Variants in EPS15 observed in about 807,000 individuals in gnomAD.
EPS15 encodes the protein epidermal growth factor receptor pathway substrate 15.
In EPS15, 72 loss-of-function variants were observed where a neutral mutation model predicts 113.8. The observed-to-expected ratio is 0.63, with a 90% confidence interval of 0.52 to 0.77. The LOEUF is 0.77. Among genes scored for constraint, EPS15 ranks in the 30% least tolerant of loss-of-function variants. The pLI, the probability that EPS15 is intolerant of heterozygous loss-of-function variation, is 0.00. For synonymous variants in EPS15, 344 were observed against 363.4 expected (o/e 0.95, Z 0.61); for missense variants, 1,048 against 1,045.8 (o/e 1.00, Z -0.03).
chr1:51,486,421 A>G (rs1644123136), intron 1 of EPS15, among the ~76,000 whole-genome samples: 1 of 31,484 alleles, frequency 3.2e-5, no homozygotes. Flanking sequence ...GCGAGACTGC[A>G]TCTCAAAAAA....
intron 2 of EPS15, among the ~76,000 whole-genome samples, chr1:51,480,041 T>C (rs1224575805): frequency 6.6e-6 from 1 of 152,184 alleles, no homozygotes; most frequent in African/African-American, 2.4e-5. Flanking sequence ...GAAGAACAAA[T>C]GTAACAGGGG....
Position 51,403,511 on chromosome 1 carries a change from G to GT in EPS15, c.1698dup (p.Leu567ThrfsTer7). The GT allele has an allele frequency of 6.2e-7, 1 of 1,603,698 alleles. No individual in the cohort carries two copies. The highest frequency in any genetic ancestry group is 8.5e-7 in the Non-Finnish European group (1 of 1,174,054). On this transcript the variant is annotated frameshift_variant, in exon 17 of 25. Transcript: ENST00000371733. LOFTEE classifies it high-confidence loss of function. ...TTTTCATCAGTCACACCAGAAGGCA[G>GT]TAGTTCAGGACTACTTCTTGCCTAC...
chr1:51,420,334 T>C (rs1265092511), intron 13 of EPS15, among the ~76,000 whole-genome samples: 2 of 152,090 alleles, frequency 1.3e-5, no homozygotes, highest in Non-Finnish European at 1.5e-5. Flanking sequence ...GTATTTAAAT[T>C]CACATCCTCA....
At chr1:51,473,823 C>A (rs925251276) in intron 2 of EPS15, among the ~76,000 whole-genome samples, 1 of 152,086 alleles carries the variant, frequency 6.6e-6, no homozygotes, top group East Asian at 1.9e-4. Context: ...AGCAAAGAAG[C>A]AAAAGGGAAA....
At chr1:51,398,105 G>A (rs945625682) in intron 20 of EPS15, among the ~76,000 whole-genome samples, 2 of 150,976 alleles carry the variant, frequency 1.3e-5, no homozygotes, top group Non-Finnish European at 2.9e-5. Context: ...CCAGGCTGGA[G>A]TGCAGTGGCG....
intron 21 of EPS15, among the ~76,000 whole-genome samples, chr1:51,376,821 A>C (rs1286180994): frequency 2.6e-5 from 4 of 152,202 alleles, no homozygotes; most frequent in African/African-American, 9.6e-5. Context: ...CTTGCAAATC[A>C]AGGAGTAATT....
intron 13 of EPS15, among the ~76,000 whole-genome samples, chr1:51,410,331 C>T (rs1649588027): frequency 6.7e-6 from 1 of 149,194 alleles, no homozygotes; most frequent in Admixed American, 6.7e-5. Flanking sequence ...GTCAAGGCTG[C>T]AGTGAGCTGT....
In EPS15 at chr1:51,437,785, T is replaced by C. The variant is rs534157654; in HGVS notation, c.1040+2562A>G. 2.1e-3 allele frequency among the ~76,000 whole-genome samples: 325 copies of C among 152,232 alleles called. 2 individuals are homozygous for C. Among genetic ancestry groups the C allele is most frequent in the Middle Eastern group, 6.8e-3 (2 of 294 alleles). On this transcript the variant is annotated intron_variant, in intron 12 of 24. Transcript: ENST00000371733. The stretch of plus-strand genomic sequence containing the variant: ...GGCATCAGCTATCGCGCCCAGCCCC[T>C]GGACTAAAACTAAGTATCTTCATCT...
At chr1:51,403,358 C>A in intron 17 of EPS15, 61 bp downstream of exon 17, 1 of 854,178 alleles carries the variant, frequency 1.2e-6, no homozygotes, top group South Asian at 1.6e-5. Flanking sequence ...TCTGATAATT[C>A]ACCTCCTCCT....
At chr1:51,464,462 G>A (rs1654704667) in intron 6 of EPS15, among the ~76,000 whole-genome samples, 1 of 151,984 alleles carries the variant, frequency 6.6e-6, no homozygotes, top group South Asian at 2.1e-4. Context: ...GGCTGGTCTC[G>A]AACTCCTGAC....
chr1:51,482,709 A>G lies in EPS15; in HGVS notation c.34-1395T>C, dbSNP rs568778631. Among the ~76,000 whole-genome samples the G allele has an allele frequency of 2.0e-5, 3 of 152,136 alleles. No homozygotes were observed. In the South Asian group the frequency reaches 6.2e-4, roughly 32 times the overall value. On this transcript the variant is annotated intron_variant, in intron 1 of 24. Coordinates refer to ENST00000371733, the MANE Select transcript of EPS15 (RefSeq NM_001981.3). ...TCGAACTCCTGATCTCAAGTGATCC[A>G]CCCGTTGTGGCTTCCCAAAGTGCTG... is the stretch of plus-strand genomic sequence containing the variant.
intron 24 of EPS15, among the ~76,000 whole-genome samples, chr1:51,359,627 G>T (rs1395052664): frequency 6.6e-6 from 1 of 150,598 alleles, no homozygotes; most frequent in Non-Finnish European, 1.5e-5. Flanking sequence ...GGTGTGGTGG[G>T]TATGCCTGCA....
intron 12 of EPS15, among the ~76,000 whole-genome samples, chr1:51,422,783 C>T (rs1650880004): frequency 6.6e-6 from 1 of 152,210 alleles, no homozygotes; most frequent in African/African-American, 2.4e-5. Context: ...AGAAAAAGCT[C>T]AAAGAATTCT....
At chr1:51,401,834 C>T (rs1020729259) in intron 18 of EPS15, among the ~76,000 whole-genome samples, 1 of 152,072 alleles carries the variant, frequency 6.6e-6, no homozygotes, top group African/African-American at 2.4e-5. Flanking sequence ...GAAACCCAGT[C>T]TCTACTAAAA....
chr1:51,403,421 C>G lies in EPS15; in HGVS notation c.1789G>C (p.Glu597Gln). 7 of 1,557,718 alleles carry G rather than the reference C, an allele frequency of 4.5e-6. No homozygotes were observed. The highest frequency in any genetic ancestry group is 6.2e-6 in the Non-Finnish European group (7 of 1,135,390). The change falls in exon 17 of 25, where the codon GAG becomes CAG. Residue 597 changes from glutamate (E) to glutamine (Q), a missense_variant and splice_region_variant. By Grantham distance (29) the Glu-to-Gln change is conservative. Transcript: ENST00000371733. ...SELDNNRHSKEEDPFNVDSSS... is the reference protein window; with the variant it reads ...SELDNNRHSKQEDPFNVDSSS... Reference sequence around the variant, plus strand: ...GTAAATATAAAATCATTTTTTACCTCTTTTGAATGTCTATTATTGTCGAGT... The same window carrying G: ...GTAAATATAAAATCATTTTTTACCTGTTTTGAATGTCTATTATTGTCGAGT...
At chr1:51,460,769 C>T (rs1288530461) in intron 8 of EPS15, among the ~76,000 whole-genome samples, 6 of 152,006 alleles carry the variant, frequency 3.9e-5, no homozygotes, top group Admixed American at 1.3e-4. Flanking sequence ...GCCTAGCCAA[C>T]ACGGCAAAAC....
intron 2 of EPS15, 126 bp from the exon 3 acceptor site, chr1:51,473,074 C>T: frequency 2.9e-6 from 2 of 698,872 alleles, no homozygotes; most frequent in Non-Finnish European, 5.1e-6. Context: ...AATCCTTTGA[C>T]TACCATGGGC....
At position 51,440,282 on chromosome 1, in the gene EPS15, T is replaced by C. The variant is rs113821644; in HGVS notation, c.1040+65A>G. ...TGTATACATATATACATGTACTGTG[T>C]GTGTGTGTGTGTGTGTGTGTGTGTG... On this transcript the variant is annotated intron_variant, in intron 12 of 24. Transcript: ENST00000371733. 1,070 of 389,444 alleles carry C rather than the reference T, an allele frequency of 2.7e-3. 1 individual carries two copies. Among genetic ancestry groups the C allele is most frequent in the African/African-American group, 8.2e-3 (115 of 14,046 alleles). 24.1% of individuals were successfully genotyped at this position (389,444 alleles called of 1,614,324 possible). A position where few individuals can be genotyped will look rare whatever the true frequency, so the allele number is the denominator to read the frequency against.
intron 20 of EPS15, chr1:51,397,067 ACAGTGTCT>A (rs1648022745): frequency 6.6e-6 from 1 of 151,974 alleles, no homozygotes; most frequent in Non-Finnish European, 1.5e-5. Flanking sequence ...TTTTGTAGAG[ACAGTGTCT>A]CACTTTGTTG....
Sources: allele counts gnomAD v4.1 joint callset (sites outside exome capture counted in the v4.1 genomes callset), GRCh38; gene constraint gnomAD v4.1.1; transcripts MANE v1.5; gene names NCBI Gene and HGNC (gene_info 2026-07-23, HGNC 2026-07-21).